The following ZHX2 variants were observed in gnomAD, a reference collection of about 807,000 sequenced individuals.
The protein encoded by ZHX2 is zinc fingers and homeoboxes protein 2.
A neutral mutation model predicts 21.9 loss-of-function variants in ZHX2; 6 were observed. The ratio of observed to expected loss-of-function variants is 0.27; its 90% CI spans 0.15 to 0.54. The LOEUF is 0.54. Among genes scored for constraint, ZHX2 ranks in the 20% least tolerant of loss-of-function variants. ZHX2 has a pLI of 0.95. For missense variants in ZHX2, 908 were observed against 1,090.7 expected (o/e 0.83, Z 2.36); for synonymous variants, 434 against 437.1 (o/e 0.99, Z 0.09).
intron 2 of ZHX2, among the ~76,000 whole-genome samples, chr8:122,947,092 C>CAAAAAAAAA (rs57090731): frequency 3.0e-5 from 2 of 67,312 alleles, no homozygotes; most frequent in Admixed American, 1.8e-4. Context: ...CCTGTCTTTG[C>CAAAAAAAAA]AAAAAAAAAA....
At chr8:122,803,857 A>G (rs781269734) in intron 1 of ZHX2, among the ~76,000 whole-genome samples, 2 of 152,142 alleles carry the variant, frequency 1.3e-5, no homozygotes, top group Non-Finnish European at 2.9e-5. Context: ...ATGGGTGCAC[A>G]TTAGAGATGT....
rs183374205 is a variant in ZHX2, at chr8:122,931,309, G to A, written c.-219-19983G>A. ...GCGTGAGAAGGGCCAGAGTTTGTGC[G>A]GTAGGCCTCATGTTTCTCCCTATTA... is the stretch of plus-strand genomic sequence containing the variant. On this transcript the variant is annotated intron_variant, in intron 2 of 3. Transcript: ENST00000314393. Among the ~76,000 whole-genome samples, 249 of 152,188 alleles carry A rather than the reference G, an allele frequency of 1.6e-3. 1 individual carries two copies. Among genetic ancestry groups the A allele is most frequent in the Admixed American group, 0.015 (222 of 15,290 alleles).
chr8:122,885,371 T>C (rs1819815509), intron 2 of ZHX2, among the ~76,000 whole-genome samples: 1 of 152,146 alleles, frequency 6.6e-6, no homozygotes, highest in African/African-American at 2.4e-5. Context: ...CAGCATTTGG[T>C]TGTGATCAAA....
intron 1 of ZHX2, among the ~76,000 whole-genome samples, chr8:122,861,807 G>C (rs1240731371): frequency 1.3e-5 from 2 of 152,174 alleles, no homozygotes; most frequent in East Asian, 3.9e-4. Context: ...TGATTAGCTG[G>C]TGGATAAAAA....
chr8:122,819,850 G>A (rs772160922), intron 1 of ZHX2, among the ~76,000 whole-genome samples: 9 of 152,174 alleles, frequency 5.9e-5, no homozygotes, highest in African/African-American at 1.2e-4. Flanking sequence ...TTTCTCTCCC[G>A]TATCCTTAAT....
chr8:122,821,625 A>G (rs1479750638), intron 1 of ZHX2, among the ~76,000 whole-genome samples: 1 of 152,062 alleles, frequency 6.6e-6, no homozygotes, highest in African/African-American at 2.4e-5. Flanking sequence ...CAGGCAACAC[A>G]GAGATGTGAG....
At chr8:122,910,828 G>T (rs1182174971) in intron 2 of ZHX2, among the ~76,000 whole-genome samples, 1 of 152,096 alleles carries the variant, frequency 6.6e-6, no homozygotes, top group East Asian at 1.9e-4. Flanking sequence ...AGGAAGTGGG[G>T]CCATGCATCC....
chr8:122,937,190 C>A (rs1258285153), intron 2 of ZHX2, among the ~76,000 whole-genome samples: 2 of 152,162 alleles, frequency 1.3e-5, no homozygotes, highest in Non-Finnish European at 2.9e-5. Flanking sequence ...CCGAGGAGGA[C>A]CTGGGGCAGA....
intron 1 of ZHX2, among the ~76,000 whole-genome samples, chr8:122,860,926 G>C (rs553464587): frequency 1.3e-5 from 2 of 151,848 alleles, no homozygotes; most frequent in Non-Finnish European, 2.9e-5. Context: ...CCAGCTACTC[G>C]GGAGGCTGAA....
At chr8:122,901,963 T>A (rs1341312835) in intron 2 of ZHX2, among the ~76,000 whole-genome samples, 1 of 152,162 alleles carries the variant, frequency 6.6e-6, no homozygotes, top group African/African-American at 2.4e-5. Context: ...TTCATAGCAC[T>A]GTAGCCCTTG....
chr8:122,892,726 C>G (rs1480989585), intron 2 of ZHX2, among the ~76,000 whole-genome samples: 2 of 152,122 alleles, frequency 1.3e-5, no homozygotes, highest in African/African-American at 4.8e-5. Context: ...GCACTGTCGC[C>G]TGGGCTGGAG....
rs752455007 is a variant in ZHX2 at position 122,953,081 on chromosome 8, C to A, written c.1571C>A (p.Ala524Glu). ...TCCCGACACGGTCGCACGTATCATG[C>A]GTACCCAGACTTTGCCCCCCAGAAG... ...AASRHGRTYH[A>E]YPDFAPQKFK... is the part of the protein sequence containing the mutation. The change falls in exon 3 of 4, where the codon GCG (alanine) becomes GAG (glutamate). Residue 524 changes from alanine (A) to glutamate (E), a missense_variant. This residue lies in a region of ZHX2 where 431 missense variants were observed against 428.6 expected (regional missense o/e 1.01). Transcript: ENST00000314393. The surrounding 1 kb of genome is among the most constrained non-coding windows in gnomAD (Gnocchi z 4.6). The A allele has an allele frequency of 1.2e-6, 2 of 1,613,986 alleles. No individual in the cohort carries two copies. The highest frequency in any genetic ancestry group is 1.7e-5 in the Admixed American group (1 of 60,016).
At chr8:122,910,220 G>A (rs186660100) in intron 2 of ZHX2, among the ~76,000 whole-genome samples, 11 of 151,970 alleles carry the variant, frequency 7.2e-5, no homozygotes, top group African/African-American at 2.4e-4. Flanking sequence ...GCACTGCCCC[G>A]GGCACATCGC....
intron 1 of ZHX2, among the ~76,000 whole-genome samples, chr8:122,793,357 T>G (rs1817556876): frequency 6.6e-6 from 1 of 152,170 alleles, no homozygotes; most frequent in Non-Finnish European, 1.5e-5. Context: ...GATCCTGACC[T>G]GGGCATCATA....
chr8:122,916,622 G>A (rs1010297338), intron 2 of ZHX2, among the ~76,000 whole-genome samples: 8 of 152,142 alleles, frequency 5.3e-5, no homozygotes, highest in Admixed American at 2.6e-4. Flanking sequence ...CTTGCTCACC[G>A]TCTTGCTCTT....
At chr8:122,853,739 A>G (rs1002591736) in intron 1 of ZHX2, among the ~76,000 whole-genome samples, 4 of 151,308 alleles carry the variant, frequency 2.6e-5, no homozygotes, top group Non-Finnish European at 5.9e-5. Flanking sequence ...TCTCCATGCA[A>G]CCTCCTCCCA....
In ZHX2 at chr8:122,945,343, G is replaced by A. The variant is rs533539044; in HGVS notation, c.-219-5949G>A. Reference sequence around the variant, plus strand: ...AATGATGGAAGAAGCACCTTGTGGCGAAGGGAAGAGCCTTGCACAGACACC... The same window carrying A: ...AATGATGGAAGAAGCACCTTGTGGCAAAGGGAAGAGCCTTGCACAGACACC... On this transcript the variant is annotated intron_variant, in intron 2 of 3. Transcript: ENST00000314393. 4.8e-5 allele frequency among the ~76,000 whole-genome samples: 7 copies of A among 145,494 alleles called. No individual in the cohort carries two copies. In the East Asian group the frequency reaches 6.3e-4, roughly 13 times the overall value.
intron 2 of ZHX2, among the ~76,000 whole-genome samples, chr8:122,912,482 G>A (rs1343563876): frequency 6.6e-6 from 1 of 152,098 alleles, no homozygotes; most frequent in African/African-American, 2.4e-5. Flanking sequence ...GGTGGGAGGT[G>A]GGTGACTAAG....
At chr8:122,939,539 G>A (rs1477336199) in intron 2 of ZHX2, among the ~76,000 whole-genome samples, 10 of 152,168 alleles carry the variant, frequency 6.6e-5, no homozygotes, top group Admixed American at 5.9e-4. Context: ...CATGAGTGCT[G>A]AGCTGGAGGC....
Sources: gnomAD v4.1 joint callset for allele counts (sites outside exome capture counted in the v4.1 genomes callset) on GRCh38, gnomAD v4.1.1 for gene constraint, gnomAD v4.1.1 regional missense constraint, Gnocchi (gnomAD v3.1) non-coding constraint, MANE v1.5 for transcripts, NCBI Gene and HGNC (gene_info 2026-07-23, HGNC 2026-07-21) for gene names.